The following FYN variants were observed in gnomAD, a reference collection of about 807,000 sequenced individuals.
FYN encodes the protein FYN proto-oncogene, Src family tyrosine kinase.
FYN carries 10 observed loss-of-function variants against 70.2 expected under a neutral mutation model. The ratio of observed to expected loss-of-function variants is 0.14; its 90% CI spans 0.09 to 0.24. The LOEUF is 0.24. Ranked by LOEUF, FYN falls within the 10% of genes least tolerant of loss-of-function variation. FYN has a pLI of 1.00. For missense variants in FYN, 319 were observed against 673.1 expected (o/e 0.47, Z 5.82); for synonymous variants, 236 against 248.6 (o/e 0.95, Z 0.48).
At chr6:111,674,825 C>G (rs975252841) in intron 12 of FYN, among the ~76,000 whole-genome samples, 195 bp from the exon 13 acceptor site, 3 of 152,030 alleles carry the variant, frequency 2.0e-5, no homozygotes, top group African/African-American at 7.3e-5. Flanking sequence ...CGTAAGTAAT[C>G]CAGCTCAAAG....
At chr6:111,708,893 CA>C (rs1800234769) in intron 5 of FYN, 1 of 152,332 alleles carries the variant, frequency 6.6e-6, no homozygotes, top group Admixed American at 6.5e-5. Context: ...ATCTTAAAGC[CA>C]GTGAGTACAT....
At chr6:111,866,969 T>C (rs910976295) in intron 1 of FYN, among the ~76,000 whole-genome samples, 6 of 152,186 alleles carry the variant, frequency 3.9e-5, no homozygotes, top group African/African-American at 1.4e-4. Flanking sequence ...TAAATCCAAC[T>C]GCATTTTTTG....
intron 3 of FYN, among the ~76,000 whole-genome samples, chr6:111,760,325 C>G (rs1288782199): frequency 2.6e-5 from 4 of 152,132 alleles, no homozygotes; most frequent in Non-Finnish European, 5.9e-5. Context: ...ATTGCCTCCA[C>G]ACTCCTGCTC....
intron 13 of FYN, among the ~76,000 whole-genome samples, chr6:111,669,512 G>A (rs1329798578): frequency 4.6e-5 from 7 of 151,416 alleles, no homozygotes; most frequent in East Asian, 1.9e-4. Flanking sequence ...ACAGGTGTTC[G>A]GTTAAGAGCC....
chr6:111,717,214 A>G (rs1800689796), intron 4 of FYN, among the ~76,000 whole-genome samples: 1 of 152,034 alleles, frequency 6.6e-6, no homozygotes, highest in Non-Finnish European at 1.5e-5. Flanking sequence ...GACATTTTTG[A>G]GCTGTATGTT....
At chr6:111,679,395 A>G (rs962972077) in intron 12 of FYN, among the ~76,000 whole-genome samples, 7 of 152,124 alleles carry the variant, frequency 4.6e-5, no homozygotes, top group Non-Finnish European at 1.0e-4. Flanking sequence ...GAATGCATGA[A>G]TTGTCTGAAG....
intron 3 of FYN, among the ~76,000 whole-genome samples, chr6:111,752,407 A>G (rs1428236237): frequency 6.6e-6 from 1 of 152,232 alleles, no homozygotes; most frequent in African/African-American, 2.4e-5. Context: ...GTCAGTTGGA[A>G]GTTGTAGGGT....
At chr6:111,720,802 T>C (rs1475893871) in intron 3 of FYN, among the ~76,000 whole-genome samples, 2 of 152,102 alleles carry the variant, frequency 1.3e-5, no homozygotes, top group East Asian at 1.9e-4. Context: ...AAAAAAATCA[T>C]TCCCATGTTA....
chr6:111,801,097 GGAT>G (rs1378245524), intron 2 of FYN, among the ~76,000 whole-genome samples: 6 of 152,160 alleles, frequency 3.9e-5, no homozygotes, highest in African/African-American at 1.4e-4. Context: ...AGAAGAATGG[GGAT>G]GTGTACATTT....
rs1771760578 is a variant in FYN, at chr6:111,795,051, CT to C, written c.-81-14417del. Among the ~76,000 whole-genome samples the C allele has an allele frequency of 3.3e-5, 5 of 152,310 alleles. No individual in the cohort carries two copies. In the South Asian group the frequency reaches 8.3e-4, roughly 25 times the overall value. ...CAATTCAATGGGTCACAAAATTTAA[CT>C]TGGTTGATTCTGCCCAGCATTTTCT... is the stretch of plus-strand genomic sequence containing the variant. On this transcript the variant is annotated intron_variant, in intron 2 of 13. Coordinates refer to ENST00000354650, the MANE Select transcript of FYN (RefSeq NM_002037.5).
At chr6:111,700,525 G>C (rs1002461204) in intron 8 of FYN, among the ~76,000 whole-genome samples, 3 of 152,192 alleles carry the variant, frequency 2.0e-5, no homozygotes, top group Non-Finnish European at 4.4e-5. Context: ...AGGTAGAAGA[G>C]AGGACGTTTT....
chr6:111,740,246 G>A (rs187902284), intron 3 of FYN, among the ~76,000 whole-genome samples: 3 of 152,330 alleles, frequency 2.0e-5, no homozygotes, highest in Admixed American at 6.5e-5. Flanking sequence ...GACTTCCCCT[G>A]TTGGGAATTA....
intron 3 of FYN, among the ~76,000 whole-genome samples, chr6:111,754,898 T>C (rs895420457): frequency 2.0e-5 from 3 of 151,850 alleles, no homozygotes; most frequent in Non-Finnish European, 4.4e-5. Context: ...TTAAAAGGAC[T>C]CGAAATTCTG....
At chr6:111,848,757 G>A (rs561220240) in intron 1 of FYN, among the ~76,000 whole-genome samples, 9 of 152,216 alleles carry the variant, frequency 5.9e-5, no homozygotes, top group African/African-American at 9.6e-5. Flanking sequence ...TTAAAACCAC[G>A]TATATCTTTC....
At chr6:111,850,494 T>C (rs1303304449) in intron 1 of FYN, among the ~76,000 whole-genome samples, 1 of 152,166 alleles carries the variant, frequency 6.6e-6, no homozygotes, top group African/African-American at 2.4e-5. Flanking sequence ...ATGTCAGTGG[T>C]GACTGAGGAT....
chr6:111,678,108 A>ATGTGTGTGTGTGTGTGTGTGTGTG (rs57015847), intron 12 of FYN, among the ~76,000 whole-genome samples: 78 of 94,010 alleles, frequency 8.3e-4, no homozygotes, highest in African/African-American at 2.0e-3. Context: ...AGGCCATAAT[A>ATGTGTGTGTGTGTGTGTGTGTGTG]TGTGTGTGTG....
intron 2 of FYN, among the ~76,000 whole-genome samples, chr6:111,825,735 G>T (rs572650852): frequency 6.6e-6 from 1 of 152,266 alleles, no homozygotes; most frequent in East Asian, 1.9e-4. Flanking sequence ...AGGAAAGGTG[G>T]GAGAGCAGGT....
intron 13 of FYN, among the ~76,000 whole-genome samples, chr6:111,665,335 T>C (rs1011834507): frequency 6.6e-6 from 1 of 152,102 alleles, no homozygotes; most frequent in Non-Finnish European, 1.5e-5. Context: ...TTGAAAATCA[T>C]GGTTTTTTTA....
At chr6:111,808,519 T>G (rs1416300996) in intron 2 of FYN, among the ~76,000 whole-genome samples, 2 of 152,114 alleles carry the variant, frequency 1.3e-5, no homozygotes, top group African/African-American at 4.8e-5. Flanking sequence ...TATTCTGACC[T>G]CCCTCTTCTC....
Sources: allele counts gnomAD v4.1 joint callset (sites outside exome capture counted in the v4.1 genomes callset), GRCh38; gene constraint gnomAD v4.1.1; transcripts MANE v1.5; gene names NCBI Gene and HGNC (gene_info 2026-07-23, HGNC 2026-07-21).